Variants in CFAP54 observed in about 807,000 individuals in gnomAD.
CFAP54 encodes the protein cilia- and flagella-associated protein 54.
CFAP54 carries 290 observed loss-of-function variants against 370.4 expected under a neutral mutation model. The observed-to-expected ratio is 0.78, with a 90% CI of 0.71 to 0.86. The LOEUF (loss-of-function observed/expected upper bound fraction) is 0.86, where lower values mean the gene tolerates loss of function less well. Among genes scored for constraint, CFAP54 ranks in the 40% least tolerant of loss-of-function variants. The probability of loss-of-function intolerance (pLI) is 0.00; values close to 1 mark genes in which losing one functional copy is unlikely to be tolerated. For synonymous variants in CFAP54, 1,206 were observed against 1,236.5 expected (o/e 0.98, Z 0.52); for missense variants, 3,399 against 3,528.7 (o/e 0.96, Z 0.93).
rs1313306771 is a variant in CFAP54 at position 96,541,036 on chromosome 12, A to G, written c.2077+49A>G. The G allele has an allele frequency of 3.0e-5, 37 of 1,232,500 alleles. No homozygotes were observed. In the East Asian group the frequency reaches 1.0e-3, roughly 34 times the overall value. The allele number at this position is 1,232,500 out of a possible 1,614,324, so 76.3% of individuals were successfully genotyped here. A position where few individuals can be genotyped will look rare whatever the true frequency, so the allele number is the denominator to read the frequency against. On this transcript the variant is annotated intron_variant, in intron 14 of 67. Transcript: ENST00000524981. ...TATACATATATAAATACAAATATAT[A>G]GGTATGATATCAAATGCAGGATAAC... is the stretch of plus-strand genomic sequence containing the variant.
At chr12:96,555,868 A>C (rs781519375) in intron 17 of CFAP54, among the ~76,000 whole-genome samples, 1 of 151,984 alleles carries the variant, frequency 6.6e-6, no homozygotes, top group Non-Finnish European at 1.5e-5. Context: ...TAAAAATTCC[A>C]GTAGGATTTT....
Position 96,811,760 on chromosome 12 carries a change from T to C in CFAP54, c.8875T>C (p.Leu2959=), listed in dbSNP as rs1278948698. 6.6e-7 allele frequency: 1 copy of C among 1,513,924 alleles called. No individual in the cohort carries two copies. The allele number at this position is 1,513,924 out of a possible 1,614,324, so 93.8% of individuals were successfully genotyped here. Residue 2959 remains leucine, a synonymous_variant, in exon 64 of 68, where the codon TTG becomes CTG. Coordinates refer to ENST00000524981, the MANE Select transcript of CFAP54 (RefSeq NM_001306084.2). ...GGTTTTATTGTTGTATGCATATAAT[T>C]TGAAGCCTCTGAAGATTTCAGATGT... ...PMVLLLYAYN[L]KPLKISDVRH...
Position 96,811,340 on chromosome 12 carries a change from A to G in CFAP54, c.8851-396A>G, listed in dbSNP as rs560559228. 5.9e-5 allele frequency among the ~76,000 whole-genome samples: 9 copies of G among 152,346 alleles called. 1 individual carries two copies. The highest frequency in any genetic ancestry group is 2.2e-4 in the African/African-American group (9 of 41,596). On this transcript the variant is annotated intron_variant, in intron 63 of 67. Coordinates refer to ENST00000524981, the MANE Select transcript of CFAP54 (RefSeq NM_001306084.2). ...ATGGAGAGAAGAGGAAGGCAACAGCATAAGTGAACTCATAGAAATGACTAT... is the reference window on the plus strand; with the variant it reads ...ATGGAGAGAAGAGGAAGGCAACAGCGTAAGTGAACTCATAGAAATGACTAT...
At chr12:96,818,709 T>A (rs1959001578) in intron 65 of CFAP54, among the ~76,000 whole-genome samples, 1 of 152,204 alleles carries the variant, frequency 6.6e-6, no homozygotes, top group African/African-American at 2.4e-5. Context: ...GAATTATAGT[T>A]CTGCAGGCAG....
intron 67 of CFAP54, among the ~76,000 whole-genome samples, chr12:96,868,112 A>G (rs1592823259): frequency 6.6e-6 from 1 of 152,130 alleles, no homozygotes; most frequent in Non-Finnish European, 1.5e-5. Flanking sequence ...CTCCTCCACC[A>G]TGGAACCTGT....
chr12:96,491,563 A>G (rs1440561360), intron 1 of CFAP54, among the ~76,000 whole-genome samples: 1 of 152,170 alleles, frequency 6.6e-6, no homozygotes, highest in Non-Finnish European at 1.5e-5. Flanking sequence ...AGGGAGAGGC[A>G]ATAAGAAGAA....
chr12:96,595,572 A>G (rs899745754), intron 25 of CFAP54, among the ~76,000 whole-genome samples: 2 of 152,164 alleles, frequency 1.3e-5, no homozygotes, highest in Admixed American at 6.5e-5. Context: ...GATCAAGAAG[A>G]CTAACTAGAC....
At chr12:96,823,122 CTG>C (rs10553724) in intron 65 of CFAP54, among the ~76,000 whole-genome samples, 59,233 of 141,972 alleles carry the variant, frequency 0.42, 11,871 homozygotes, top group East Asian at 0.46. Flanking sequence ...GTGTGTTTGT[CTG>C]TGTGTGTGTG....
chr12:96,685,816 T>A (rs1336367591), intron 42 of CFAP54, among the ~76,000 whole-genome samples: 4 of 152,130 alleles, frequency 2.6e-5, no homozygotes. Flanking sequence ...CTTCCCAAAG[T>A]GCTGGGATTA....
chr12:96,663,695 C>G, intron 38 of CFAP54, 135 bp from the exon 39 acceptor site: 1 of 618,986 alleles, frequency 1.6e-6, no homozygotes, highest in East Asian at 2.9e-5. Flanking sequence ...AGACACTATT[C>G]TGCCAGCTTT....
At chr12:96,641,646 C>T (rs1956728849) in intron 32 of CFAP54, among the ~76,000 whole-genome samples, 1 of 152,064 alleles carries the variant, frequency 6.6e-6, no homozygotes, top group Non-Finnish European at 1.5e-5. Context: ...TATTGCGGCA[C>T]TATTCACAAT....
At chr12:96,528,230 GT>G (rs149873147) in intron 9 of CFAP54, among the ~76,000 whole-genome samples, 19 of 150,328 alleles carry the variant, frequency 1.3e-4, no homozygotes, top group African/African-American at 2.4e-4. Flanking sequence ...TTTGCTAAGT[GT>G]TTTTTTTTGT....
At chr12:96,772,681 A>T (rs1958475514) in intron 60 of CFAP54, among the ~76,000 whole-genome samples, 1 of 150,638 alleles carries the variant, frequency 6.6e-6, no homozygotes, top group South Asian at 2.1e-4. Flanking sequence ...GTGCAATGGA[A>T]TAATCTCGGC....
At chr12:96,729,925 C>T (rs1231216944) in intron 50 of CFAP54, among the ~76,000 whole-genome samples, 1 of 152,114 alleles carries the variant, frequency 6.6e-6, no homozygotes, top group Non-Finnish European at 1.5e-5. Flanking sequence ...AAGACAAATT[C>T]TCTTGAAATG....
intron 3 of CFAP54, among the ~76,000 whole-genome samples, chr12:96,505,882 A>G (rs1955094487): frequency 6.6e-6 from 1 of 152,096 alleles, no homozygotes; most frequent in South Asian, 2.1e-4. Flanking sequence ...TCCCTCCTCT[A>G]AGAGCAGTGT....
chr12:96,856,920 G>A (rs1021726571), intron 66 of CFAP54, among the ~76,000 whole-genome samples: 1 of 152,126 alleles, frequency 6.6e-6, no homozygotes, highest in African/African-American at 2.4e-5. Flanking sequence ...CCTGATACTG[G>A]GTAATTTGTA....
intron 26 of CFAP54, among the ~76,000 whole-genome samples, chr12:96,614,198 G>T (rs1318136959): frequency 2.6e-5 from 4 of 152,146 alleles, no homozygotes; most frequent in African/African-American, 7.2e-5. Flanking sequence ...GGGATGCAAG[G>T]CTGGTTCAAC....
rs1480021874 is a variant in CFAP54 at position 96,684,655 on chromosome 12, C to G, written c.5724C>G (p.Leu1908=). 1 of 1,610,586 alleles carries G rather than the reference C, an allele frequency of 6.2e-7. No homozygotes were observed. Among genetic ancestry groups the G allele is most frequent in the East Asian group, 2.2e-5 (1 of 44,832 alleles). The part of the protein sequence containing the change: ...SLFLAQTQDV[L]QASNQRSLKV... ...ACTTGATTAAAAATATAGATGTTCT[C>G]CAAGCCAGCAATCAAAGAAGTCTTA... The change falls in exon 41 of 68, where the codon CTC becomes CTG. Residue 1908 remains leucine (L), a synonymous_variant. Transcript: ENST00000524981.
intron 58 of CFAP54, among the ~76,000 whole-genome samples, chr12:96,760,949 A>G (rs1565968612): frequency 6.6e-6 from 1 of 152,016 alleles, no homozygotes; most frequent in Admixed American, 6.6e-5. Context: ...TTTTTTGTGG[A>G]CATATGTTTT....
Sources: allele counts gnomAD v4.1 joint callset (sites outside exome capture counted in the v4.1 genomes callset), GRCh38; gene constraint gnomAD v4.1.1; transcripts MANE v1.5; gene names NCBI Gene and HGNC (gene_info 2026-07-23, HGNC 2026-07-21).